DYNC1I1: variants seen among roughly 807,000 people sequenced by gnomAD.
DYNC1I1 encodes the protein cytoplasmic dynein 1 intermediate chain 1.
In DYNC1I1, 43 loss-of-function variants were observed where a neutral mutation model predicts 86.6. That is an observed-to-expected ratio of 0.50 (90% CI 0.39 to 0.64). The LOEUF is 0.64. Among genes scored for constraint, DYNC1I1 ranks in the 30% least tolerant of loss-of-function variants. The pLI is 0.00. For missense variants in DYNC1I1, 604 were observed against 788.8 expected (o/e 0.77, Z 2.81); for synonymous variants, 262 against 283.7 (o/e 0.92, Z 0.77).
chr7:96,096,901 T>C (rs1791026516), intron 16 of DYNC1I1, among the ~76,000 whole-genome samples: 1 of 152,176 alleles, frequency 6.6e-6, no homozygotes, highest in African/African-American at 2.4e-5. Context: ...GTAATGTACT[T>C]AGAACAGAAC....
At position 95,823,952 on chromosome 7, in the gene DYNC1I1, C is replaced by CTATATATATATATATATATATATA. The variant is rs71127429; in HGVS notation, c.315-4101_315-4078dup. Among the ~76,000 whole-genome samples the CTATATATATATATATATATATATA allele has an allele frequency of 3.9e-3, 304 of 77,686 alleles. 7 individuals carry two copies. The highest frequency in any genetic ancestry group is 7.4e-3 in the African/African-American group (111 of 15,068). The allele number at this position is 77,686 out of a possible 152,430, so 51.0% of individuals were successfully genotyped here. A position where few individuals can be genotyped will look rare whatever the true frequency, so the allele number is the denominator to read the frequency against. ...TTACTTTCAGATTTGTTCTACTAAACTATATATATATATATATATATATAT... is the reference window on the plus strand; with the variant it reads ...TTACTTTCAGATTTGTTCTACTAAACTATATATATATATATATATATATATATATATATATATATATATATATAT... On this transcript the variant is annotated intron_variant, in intron 4 of 16. Coordinates refer to ENST00000447467, the MANE Select transcript of DYNC1I1 (RefSeq NM_001135556.2).
In DYNC1I1 at chr7:96,001,753, T is replaced by A. The variant is rs1013855955; in HGVS notation, c.969+5680T>A. ...AGGACACTAATCCTATCCTATCAGGTCCCTACCGTTATGACCTCATAACCT... is the reference window on the plus strand; with the variant it reads ...AGGACACTAATCCTATCCTATCAGGACCCTACCGTTATGACCTCATAACCT... On this transcript the variant is annotated intron_variant, in intron 10 of 16. Coordinates refer to ENST00000447467, the MANE Select transcript of DYNC1I1 (RefSeq NM_001135556.2). Among the ~76,000 whole-genome samples the A allele has an allele frequency of 2.0e-5, 3 of 152,048 alleles. No homozygotes were observed. The East Asian group carries it at 5.8e-4, about 29-fold the overall frequency.
intron 6 of DYNC1I1, among the ~76,000 whole-genome samples, chr7:95,879,642 T>C (rs1278012327): frequency 6.6e-6 from 1 of 152,102 alleles, no homozygotes; most frequent in African/African-American, 2.4e-5. Flanking sequence ...CTGTGTGGCC[T>C]CCATACATTT....
intron 4 of DYNC1I1, among the ~76,000 whole-genome samples, chr7:95,815,132 G>A (rs1794919447): frequency 6.6e-6 from 1 of 152,106 alleles, no homozygotes; most frequent in Non-Finnish European, 1.5e-5. Context: ...GAGCCCTTTG[G>A]AAAACTTTCT....
intron 1 of DYNC1I1, among the ~76,000 whole-genome samples, chr7:95,775,863 C>CT (rs1459021792): frequency 2.6e-5 from 4 of 152,288 alleles, no homozygotes; most frequent in African/African-American, 7.2e-5. Context: ...CTAGAGTTGA[C>CT]TTTTTTGTTT....
chr7:96,097,434 G>A (rs1370917694), intron 16 of DYNC1I1, 49 bp from the exon 17 acceptor site: 1 of 1,604,014 alleles, frequency 6.2e-7, no homozygotes, highest in East Asian at 2.2e-5. Context: ...AAGGCTTTCA[G>A]ACATGAAAGA....
intron 4 of DYNC1I1, among the ~76,000 whole-genome samples, chr7:95,818,193 A>G (rs1210537217): frequency 6.9e-6 from 1 of 144,340 alleles, no homozygotes; most frequent in Non-Finnish European, 1.5e-5. Flanking sequence ...TAGTAATAGA[A>G]TTAATTTTTG....
intron 14 of DYNC1I1, among the ~76,000 whole-genome samples, chr7:96,064,638 C>T (rs866017377): frequency 6.6e-6 from 1 of 152,190 alleles, no homozygotes. Context: ...ATAGTTATCC[C>T]AAGGAGGATG....
At chr7:96,045,721 C>T (rs903705049) in intron 14 of DYNC1I1, among the ~76,000 whole-genome samples, 1 of 152,024 alleles carries the variant, frequency 6.6e-6, no homozygotes, top group African/African-American at 2.4e-5. Flanking sequence ...GAAGTAGCTT[C>T]CCATGAGAAG....
chr7:95,970,033 T>A (rs1793125243), intron 6 of DYNC1I1, among the ~76,000 whole-genome samples: 1 of 152,194 alleles, frequency 6.6e-6, no homozygotes, highest in South Asian at 2.1e-4. Flanking sequence ...GTGGTGCATG[T>A]TATACTTTAT....
At chr7:96,040,745 A>G (rs1205502587) in intron 14 of DYNC1I1, among the ~76,000 whole-genome samples, 1 of 149,726 alleles carries the variant, frequency 6.7e-6, no homozygotes, top group African/African-American at 2.5e-5. Flanking sequence ...TTTTTGAAAC[A>G]TAGTCTCGCT....
At chr7:95,954,232 A>T (rs1235101901) in intron 6 of DYNC1I1, among the ~76,000 whole-genome samples, 1 of 149,276 alleles carries the variant, frequency 6.7e-6, no homozygotes, top group East Asian at 1.9e-4. Context: ...GTTATTTAAA[A>T]ATCTGCTATT....
At chr7:95,791,461 C>T (rs1562894231) in intron 1 of DYNC1I1, among the ~76,000 whole-genome samples, 1 of 152,198 alleles carries the variant, frequency 6.6e-6, no homozygotes, top group Admixed American at 6.5e-5. Context: ...ATCAGTCTGC[C>T]AGGTTACCTG....
At chr7:95,930,868 C>T (rs1791876474) in intron 6 of DYNC1I1, among the ~76,000 whole-genome samples, 1 of 152,160 alleles carries the variant, frequency 6.6e-6, no homozygotes, top group African/African-American at 2.4e-5. Flanking sequence ...ATAAGCTTTT[C>T]AGAGTGGGAT....
At chr7:96,089,184 T>TAA (rs11456119) in intron 16 of DYNC1I1, among the ~76,000 whole-genome samples, 190 of 149,186 alleles carry the variant, frequency 1.3e-3, no homozygotes, top group African/African-American at 3.8e-3. Context: ...CCTTGTGACT[T>TAA]AAAAAAAAAA....
intron 16 of DYNC1I1, among the ~76,000 whole-genome samples, chr7:96,095,472 A>G (rs1185178225): frequency 2.0e-5 from 3 of 152,146 alleles, no homozygotes; most frequent in Non-Finnish European, 4.4e-5. Flanking sequence ...ATGTTTGGGA[A>G]CCAAACTCAG....
chr7:96,032,576 A>T, intron 11 of DYNC1I1, 91 bp from the exon 12 acceptor site: 1 of 991,266 alleles, frequency 1.0e-6, no homozygotes, highest in Non-Finnish European at 1.5e-6. Context: ...GTTACTCTTT[A>T]ATCCTTGTTT....
intron 16 of DYNC1I1, among the ~76,000 whole-genome samples, chr7:96,107,876 T>G (rs1014087865): frequency 2.0e-5 from 3 of 150,684 alleles, no homozygotes; most frequent in East Asian, 1.9e-4. Flanking sequence ...CAGGTTTTTT[T>G]TTTTTTTTTT....
intron 14 of DYNC1I1, among the ~76,000 whole-genome samples, chr7:96,055,045 C>A (rs888310998): frequency 2.6e-5 from 4 of 152,154 alleles, no homozygotes; most frequent in Non-Finnish European, 5.9e-5. Context: ...TTGCCCATGC[C>A]TGTGTCCTGA....
Sources: allele counts gnomAD v4.1 joint callset (sites outside exome capture counted in the v4.1 genomes callset), GRCh38; gene constraint gnomAD v4.1.1; transcripts MANE v1.5; gene names NCBI Gene and HGNC (gene_info 2026-07-23, HGNC 2026-07-21).